HMGCLL1: variants seen among roughly 807,000 people sequenced by gnomAD.
The protein encoded by HMGCLL1 is 3-hydroxy-3-methylglutaryl-CoA lyase like 1, also known as 3-hydroxymethyl-3-methylglutaryl-CoA lyase, cytoplasmic.
A neutral mutation model predicts 39.1 loss-of-function variants in HMGCLL1; 36 were observed. The ratio of observed to expected loss-of-function variants is 0.92; its 90% CI spans 0.71 to 1.22. The LOEUF (loss-of-function observed/expected upper bound fraction) is 1.22. Among genes scored for constraint, HMGCLL1 ranks in the 50% most tolerant of loss-of-function variants. HMGCLL1 has a pLI of 0.00. For synonymous variants in HMGCLL1, 149 were observed against 144.0 expected (o/e 1.03, Z -0.25); for missense variants, 451 against 416.5 (o/e 1.08, Z -0.72).
rs374502890 is a variant in HMGCLL1, at chr6:55,439,392, G to A, written c.921+42C>T. ...CTTAGAAGCTTTGCAATTTGGAGCT[G>A]CAAGGAATGCATGAATATTAAAATA... On this transcript the variant is annotated intron_variant, in intron 8 of 8. Transcript: ENST00000274901. 24 of 1,570,204 alleles carry A rather than the reference G, an allele frequency of 1.5e-5. No individual in the cohort carries two copies. In the African/African-American group the frequency reaches 2.2e-4, roughly 14 times the overall value.
intron 5 of HMGCLL1, among the ~76,000 whole-genome samples, chr6:55,510,738 A>T (rs191126920): frequency 0.014 from 2,173 of 151,426 alleles, 31 homozygotes; most frequent in Non-Finnish European, 0.024. Flanking sequence ...ACATGTATAC[A>T]TATGTAACTA....
At chr6:55,455,139 T>C (rs941853870) in intron 7 of HMGCLL1, among the ~76,000 whole-genome samples, 1 of 152,044 alleles carries the variant, frequency 6.6e-6, no homozygotes, top group Non-Finnish European at 1.5e-5. Flanking sequence ...GTATAGAATA[T>C]TTTATGATAT....
At chr6:55,612,320 ATTATATCC>A in the HMGCLL1 span, among the ~76,000 whole-genome samples, 1 of 152,214 alleles carries the variant, frequency 6.6e-6, no homozygotes, top group Admixed American at 6.5e-5. Context: ...ATGGAAAAAC[ATTATATCC>A]TTGTGGATAG....
the HMGCLL1 span, among the ~76,000 whole-genome samples, chr6:55,620,548 C>A: frequency 6.6e-6 from 1 of 151,818 alleles, no homozygotes; most frequent in East Asian, 1.9e-4. Context: ...TTATGATTTT[C>A]TTTGCTTATA....
chr6:55,435,549 T>A lies in HMGCLL1; in HGVS notation c.*113A>T. The A allele has an allele frequency of 5.8e-6, 3 of 514,620 alleles. No individual in the cohort carries two copies. In the East Asian group the frequency reaches 9.2e-5, roughly 16 times the overall value. The allele number at this position is 514,620 out of a possible 1,614,324, so 31.9% of individuals were successfully genotyped here. A position where few individuals can be genotyped will look rare whatever the true frequency, so the allele number is the denominator to read the frequency against. On this transcript the variant is annotated 3_prime_UTR_variant, in exon 9 of 9. Transcript: ENST00000274901. ...ATCTTTTTGAAAAGGATCTCTTTTT[T>A]CCCACTCTTGTCCATTACTTCACAT...
intron 7 of HMGCLL1, among the ~76,000 whole-genome samples, chr6:55,457,117 C>T (rs750486464): frequency 2.4e-4 from 36 of 152,138 alleles, no homozygotes; most frequent in Non-Finnish European, 4.4e-5. Flanking sequence ...TGCTTTCTGA[C>T]TGATCCCAGA....
chr6:55,498,503 T>C (rs1429449782), intron 6 of HMGCLL1, among the ~76,000 whole-genome samples: 1 of 152,134 alleles, frequency 6.6e-6, no homozygotes, highest in Admixed American at 6.6e-5. Context: ...TGGATTTTCT[T>C]ATAAGGCCGT....
At chr6:55,668,116 T>G in the HMGCLL1 span, among the ~76,000 whole-genome samples, 1 of 151,874 alleles carries the variant, frequency 6.6e-6, no homozygotes, top group Admixed American at 6.6e-5. Flanking sequence ...TTCATTTAGA[T>G]GTGAGTGACT....
chr6:55,532,804 CATAATAATA>C (rs201080387), intron 3 of HMGCLL1, among the ~76,000 whole-genome samples: 8,147 of 71,344 alleles, frequency 0.11, 471 homozygotes, highest in African/African-American at 0.22. Flanking sequence ...CTGTCTCAAA[CATAATAATA>C]ATAATAATAA....
intron 4 of HMGCLL1, among the ~76,000 whole-genome samples, chr6:55,515,727 A>T (rs1477592263): frequency 6.6e-6 from 1 of 152,138 alleles, no homozygotes; most frequent in Non-Finnish European, 1.5e-5. Context: ...ATAATTTTTA[A>T]ATGACTTTTT....
At chr6:55,475,563 C>A (rs952808357) in intron 7 of HMGCLL1, among the ~76,000 whole-genome samples, 1 of 151,494 alleles carries the variant, frequency 6.6e-6, no homozygotes, top group African/African-American at 2.4e-5. Context: ...CTTGTCCATG[C>A]CGTAAAAATA....
intron 3 of HMGCLL1, 49 bp downstream of exon 3, chr6:55,541,680 T>C (rs1051186172): frequency 2.3e-6 from 2 of 886,792 alleles, no homozygotes; most frequent in East Asian, 2.5e-5. Flanking sequence ...CAAATATTTT[T>C]TGGTGAAGTT....
chr6:55,500,768 A>G (rs771164980), intron 5 of HMGCLL1, among the ~76,000 whole-genome samples: 5 of 152,072 alleles, frequency 3.3e-5, no homozygotes, highest in Non-Finnish European at 5.9e-5. Flanking sequence ...TTAAATGAAC[A>G]TAACACTGGA....
At chr6:55,615,249 G>A in the HMGCLL1 span, among the ~76,000 whole-genome samples, 7 of 152,078 alleles carry the variant, frequency 4.6e-5, no homozygotes, top group South Asian at 8.3e-4. Flanking sequence ...ATTATGCTAT[G>A]ATTAAAAACC....
At chr6:55,453,784 G>A (rs1299362850) in intron 7 of HMGCLL1, among the ~76,000 whole-genome samples, 1 of 152,106 alleles carries the variant, frequency 6.6e-6, no homozygotes, top group East Asian at 1.9e-4. Context: ...TTGTTGTTAA[G>A]GAATAAATTT....
chr6:55,632,950 T>C, the HMGCLL1 span, among the ~76,000 whole-genome samples: 8 of 152,290 alleles, frequency 5.3e-5, no homozygotes, highest in South Asian at 1.7e-3. Flanking sequence ...AAGCTGCATA[T>C]AGACTCTTGA....
the HMGCLL1 span, among the ~76,000 whole-genome samples, chr6:55,614,789 A>G: frequency 6.6e-6 from 1 of 152,132 alleles, no homozygotes; most frequent in African/African-American, 2.4e-5. Context: ...AAGAATTCTT[A>G]CAATAAAAAT....
the HMGCLL1 span, among the ~76,000 whole-genome samples, chr6:55,674,292 A>G: frequency 6.6e-6 from 1 of 152,010 alleles, no homozygotes; most frequent in Middle Eastern, 3.4e-3. Context: ...GAGATACCTA[A>G]TTTAAAGTAG....
At chr6:55,490,192 C>T (rs13213275) in intron 7 of HMGCLL1, among the ~76,000 whole-genome samples, 72,070 of 151,830 alleles carry the variant, frequency 0.47, 17,154 homozygotes, top group East Asian at 0.49. Context: ...CTATCAGATA[C>T]GTGTTGAAGA....
Sources: gnomAD v4.1 joint callset for allele counts (sites outside exome capture counted in the v4.1 genomes callset) on GRCh38, gnomAD v4.1.1 for gene constraint, MANE v1.5 for transcripts, NCBI Gene and HGNC (gene_info 2026-07-23, HGNC 2026-07-21) for gene names.